Variants in PFN2 observed in about 807,000 individuals in gnomAD.
PFN2 encodes the protein profilin-2.
PFN2 carries 8 observed loss-of-function variants against 15.3 expected under a neutral mutation model. That is an observed-to-expected ratio of 0.52 (90% CI 0.31 to 0.95). The LOEUF is 0.95. Ranked by LOEUF, PFN2 falls within the 40% of genes least tolerant of loss-of-function variation. The pLI, the probability that PFN2 is intolerant of heterozygous loss-of-function variation, is 0.05. For synonymous variants in PFN2, 79 were observed against 67.9 expected, an observed-to-expected ratio of 1.16 and a Z score of -0.81; for missense variants, 111 against 182.3, an observed-to-expected ratio of 0.61 and a Z score of 2.25.
At position 149,966,312 on chromosome 3, in the gene PFN2, G is replaced by C. The variant is rs367662940; in HGVS notation, c.*177C>G. ...ACAAAAGTGAACAGAATTATTTTGG[G>C]GGGGGAGGGCAGAAAGAAAGACACC... is the stretch of plus-strand genomic sequence containing the variant. On this transcript the variant is annotated 3_prime_UTR_variant, in exon 3 of 3. Transcript: ENST00000239940. 46 of 1,606,224 alleles carry C rather than the reference G, an allele frequency of 2.9e-5. No homozygotes were observed. The highest frequency in any genetic ancestry group is 1.9e-4 in the Admixed American group (11 of 59,194).
Position 149,968,556 on chromosome 3 carries a change from C to A in PFN2, c.133-6G>T, listed in dbSNP as rs1187664021. On this transcript the variant is annotated splice_polypyrimidine_tract_variant and splice_region_variant and intron_variant, in intron 1 of 2. Coordinates refer to ENST00000239940, the MANE Select transcript of PFN2 (RefSeq NM_053024.4). ...ATCATATCTATTTCTATTGGCTGCC[C>A]CCCACCAAAAAGAAAAAAAAAAAAC... is the stretch of plus-strand genomic sequence containing the variant. 1 of 1,506,404 alleles carries A rather than the reference C, an allele frequency of 6.6e-7. No individual in the cohort carries two copies. The highest frequency in any genetic ancestry group is 1.2e-5 in the South Asian group (1 of 83,816). 93.3% of individuals were successfully genotyped at this position (1,506,404 alleles called of 1,614,324 possible).
chr3:149,970,082 A>C (rs945960114), intron 1 of PFN2, among the ~76,000 whole-genome samples: 6 of 151,400 alleles, frequency 4.0e-5, no homozygotes, highest in African/African-American at 1.5e-4. Context: ...ATAGAGCTAG[A>C]GCTGAAGTCG....
At position 149,965,597 on chromosome 3, in the gene PFN2, A is replaced by G. The variant is rs1576617687; in HGVS notation, c.*892T>C. On this transcript the variant is annotated 3_prime_UTR_variant, in exon 3 of 3. Coordinates refer to ENST00000239940, the MANE Select transcript of PFN2 (RefSeq NM_053024.4). ...AAGTGCAACAACAATACTAAAAGCA[A>G]ACTACTGCAGCTCTCAATAGCTCAT... The G allele has an allele frequency of 8.4e-7, 1 of 1,193,154 alleles. No homozygotes were observed. Among genetic ancestry groups the G allele is most frequent in the Non-Finnish European group, 1.0e-6 (1 of 962,388 alleles). The allele number at this position is 1,193,154 out of a possible 1,614,324, so 73.9% of individuals were successfully genotyped here.
At position 149,965,409 on chromosome 3, in the gene PFN2, AAAAG is replaced by A; in HGVS notation, c.*1076_*1079del. 1 of 1,449,042 alleles carries A rather than the reference AAAAG, an allele frequency of 6.9e-7. No individual in the cohort carries two copies. The highest frequency in any genetic ancestry group is 1.8e-4 in the Middle Eastern group (1 of 5,558). 89.8% of individuals were successfully genotyped at this position (1,449,042 alleles called of 1,614,324 possible). On this transcript the variant is annotated 3_prime_UTR_variant, in exon 3 of 3. Transcript: ENST00000239940. ...AAAGAGTAGAGCTGGTGTGCAAAGAAAAAGGAAGAAAAATCTGAGCTATTGCAAT... is the reference window on the plus strand; with the variant it reads ...AAAGAGTAGAGCTGGTGTGCAAAGAAGAAGAAAAATCTGAGCTATTGCAAT...
chr3:149,969,861 C>T (rs972733033), intron 1 of PFN2, among the ~76,000 whole-genome samples: 2 of 152,146 alleles, frequency 1.3e-5, no homozygotes, highest in Admixed American at 6.5e-5. Flanking sequence ...GCATTAGTTC[C>T]TTTACTGCCA....
In PFN2 at chr3:149,966,542, A is replaced by G. The variant is rs773503289; in HGVS notation, c.370T>C (p.Leu124=). The part of the protein sequence containing the change: ...MGKEGVHGGG[L]NKKAYSMAKY... ...GCCATTGAGTATGCCTTCTTATTCA[A>G]TCCGCCTCCATGGACCCCTTCTTTT... is the stretch of plus-strand genomic sequence containing the variant. Residue 124 remains leucine (L), a synonymous_variant, in exon 3 of 3, where the codon TTG becomes CTG. Transcript: ENST00000239940. 2.5e-6 allele frequency: 4 copies of G among 1,613,092 alleles called. No homozygotes were observed. The East Asian group carries it at 6.7e-5, about 27-fold the overall frequency.
At position 149,966,095 on chromosome 3, in the gene PFN2, A is replaced by C; in HGVS notation, c.*394T>G. 6.4e-7 allele frequency: 1 copy of C among 1,554,530 alleles called. No individual in the cohort carries two copies. On this transcript the variant is annotated 3_prime_UTR_variant, in exon 3 of 3. Coordinates refer to ENST00000239940, the MANE Select transcript of PFN2 (RefSeq NM_053024.4). The stretch of plus-strand genomic sequence containing the variant: ...TAAAGAAAAATTAGCTACCATCTAC[A>C]GTTTGGTAGCATTGTGACCATAATT...
At chr3:149,968,065 C>A (rs985784174) in intron 2 of PFN2, 1 of 295,646 alleles carries the variant, frequency 3.4e-6, no homozygotes, top group Non-Finnish European at 6.2e-6. Flanking sequence ...TGAAACACCA[C>A]AGGATTATGA....
Position 149,970,872 on chromosome 3 carries a change from A to C in PFN2, c.-16T>G. 7.4e-7 allele frequency: 1 copy of C among 1,346,632 alleles called. No individual in the cohort carries two copies. 83.4% of individuals were successfully genotyped at this position (1,346,632 alleles called of 1,614,324 possible). A position where few individuals can be genotyped will look rare whatever the true frequency, so the allele number is the denominator to read the frequency against. On this transcript the variant is annotated 5_prime_UTR_variant, in exon 1 of 3. Transcript: ENST00000239940. ...AACCGGCCATCTTCGAGCCCTTCGC[A>C]CTGCAGCGCGGACGGCGAGGAGCAG...
chr3:149,966,642 TA>T lies in PFN2; in HGVS notation c.326-57del, dbSNP rs1224533290. ...AGAAGTGTTAATCAAGAAAGTCACA[TA>T]AGTTTTAGCAGACAGAACCCGGATT... On this transcript the variant is annotated intron_variant, in intron 2 of 2. Coordinates refer to ENST00000239940, the MANE Select transcript of PFN2 (RefSeq NM_053024.4). The T allele has an allele frequency of 5.2e-6, 7 of 1,342,132 alleles. No homozygotes were observed. In the Admixed American group the frequency reaches 1.0e-4, roughly 20 times the overall value. The allele number at this position is 1,342,132 out of a possible 1,614,324, so 83.1% of individuals were successfully genotyped here.
rs928618682 is a variant in PFN2 at position 149,968,635 on chromosome 3, G to C, written c.133-85C>G. 3.4e-6 allele frequency: 4 copies of C among 1,163,504 alleles called. No individual in the cohort carries two copies. The African/African-American group carries it at 4.6e-5, about 13-fold the overall frequency. 72.1% of individuals were successfully genotyped at this position (1,163,504 alleles called of 1,614,324 possible). ...TTTTAGGGCTTGATGTAACAGGAAG[G>C]GCTGTAGCTAGGCTTATGCTACCAC... is the stretch of plus-strand genomic sequence containing the variant. On this transcript the variant is annotated intron_variant, in intron 1 of 2. Transcript: ENST00000239940.
Position 149,970,742 on chromosome 3 carries a change from C to A in PFN2, c.115G>T (p.Val39Phe). 6.6e-7 allele frequency: 1 copy of A among 1,520,698 alleles called. No individual in the cohort carries two copies. The highest frequency in any genetic ancestry group is 2.7e-5 in the East Asian group (1 of 37,386). The allele number at this position is 1,520,698 out of a possible 1,614,324, so 94.2% of individuals were successfully genotyped here. The stretch of plus-strand genomic sequence containing the variant: ...GTCCTCACCGTAATGCTCTGAAAGA[C>A]GCCCCCGGCCGTGGCTGCCCAGACG... ...KYVWAATAGG[V>F]FQSITPIEID... Residue 39 changes from valine (V) to phenylalanine (F), a missense_variant, in exon 1 of 3, where the codon GTC becomes TTC. Physicochemically the swap from Val to Phe is conservative, Grantham distance 50 (BLOSUM62 -1). This residue lies in a region of PFN2 where 64 missense variants were observed against 69.7 expected (regional missense o/e 0.92). Transcript: ENST00000239940.
In PFN2 at chr3:149,965,952, T is replaced by G; in HGVS notation, c.*537A>C. 1 of 1,349,604 alleles carries G rather than the reference T, an allele frequency of 7.4e-7. No individual in the cohort carries two copies. The highest frequency in any genetic ancestry group is 3.6e-5 in the Admixed American group (1 of 28,006). The allele number at this position is 1,349,604 out of a possible 1,614,324, so 83.6% of individuals were successfully genotyped here. ...ATGCCCCCTCCCCCCAATTTCAAGG[T>G]ATCATGCAAATCATTATTGTGCTGC... On this transcript the variant is annotated 3_prime_UTR_variant, in exon 3 of 3. Transcript: ENST00000239940.
chr3:149,966,214 T>C lies in PFN2; in HGVS notation c.*275A>G. On this transcript the variant is annotated 3_prime_UTR_variant, in exon 3 of 3. Transcript: ENST00000239940. ...TATAAAGCGAGTTCATATGCTTTCT[T>C]GTTAAGTGTGCCTCCGTGGACACCT... 1 of 1,613,782 alleles carries C rather than the reference T, an allele frequency of 6.2e-7. No homozygotes were observed. The highest frequency in any genetic ancestry group is 8.5e-7 in the Non-Finnish European group (1 of 1,179,714).
rs1030147497 is a variant in PFN2 at position 149,966,266 on chromosome 3, T to C, written c.*223A>G. The C allele has an allele frequency of 5.0e-6, 8 of 1,612,158 alleles. No individual in the cohort carries two copies. The African/African-American group carries it at 8.0e-5, about 16-fold the overall frequency. On this transcript the variant is annotated 3_prime_UTR_variant, in exon 3 of 3. Coordinates refer to ENST00000239940, the MANE Select transcript of PFN2 (RefSeq NM_053024.4). Reference sequence around the variant, plus strand: ...CCTTTCCCATGACTATAACCAATGCTGGAGTACACAAGGAAACAAAACAAA... The same window carrying C: ...CCTTTCCCATGACTATAACCAATGCCGGAGTACACAAGGAAACAAAACAAA...
rs550899160 is a variant in PFN2, at chr3:149,969,424, A to G, written c.133-874T>C. Among the ~76,000 whole-genome samples, 6 of 152,318 alleles carry G rather than the reference A, an allele frequency of 3.9e-5. No homozygotes were observed. In the South Asian group the frequency reaches 1.2e-3, roughly 32 times the overall value. On this transcript the variant is annotated intron_variant, in intron 1 of 2. Transcript: ENST00000239940. Reference sequence around the variant, plus strand: ...AGCCATTTCCAAGCACACTCCCGCAATCTTCCTAGTCAGACAGCGGGAACT... The same window carrying G: ...AGCCATTTCCAAGCACACTCCCGCAGTCTTCCTAGTCAGACAGCGGGAACT...
At chr3:149,970,681 G>T in intron 1 of PFN2, 44 bp downstream of exon 1, 2 of 1,455,082 alleles carry the variant, frequency 1.4e-6, no homozygotes, top group Non-Finnish European at 1.8e-6. Flanking sequence ...CGGCCACCCC[G>T]CTCCGGTGCA....
At chr3:149,970,016 G>T (rs1356979480) in intron 1 of PFN2, among the ~76,000 whole-genome samples, 1 of 147,770 alleles carries the variant, frequency 6.8e-6, no homozygotes, top group African/African-American at 2.5e-5. Context: ...TATGAGAAGA[G>T]AAATCAATGG....
intron 1 of PFN2, among the ~76,000 whole-genome samples, chr3:149,969,598 G>A (rs1722789442): frequency 6.6e-6 from 1 of 152,184 alleles, no homozygotes; most frequent in South Asian, 2.1e-4. Flanking sequence ...ACCATGTTAA[G>A]TGGTAAAAGA....
Sources: allele counts gnomAD v4.1 joint callset (sites outside exome capture counted in the v4.1 genomes callset), GRCh38; gene constraint gnomAD v4.1.1; regional missense constraint gnomAD v4.1.1; transcripts MANE v1.5; gene names NCBI Gene and HGNC (gene_info 2026-07-23, HGNC 2026-07-21).